The following ZC3H8 variants were observed in gnomAD, a reference collection of about 807,000 sequenced individuals.
The protein encoded by ZC3H8 is zinc finger CCCH domain-containing protein 8.
Under a neutral mutation model 42.5 loss-of-function variants are expected in ZC3H8, and 27 were observed. The ratio of observed to expected loss-of-function variants is 0.64; its 90% confidence interval spans 0.47 to 0.88. The LOEUF (loss-of-function observed/expected upper bound fraction) is 0.88, where lower values mean the gene tolerates loss of function less well. ZC3H8 is among the 40% of genes least tolerant of loss of function. The probability of loss-of-function intolerance (pLI) is 0.00; values close to 1 mark genes in which losing one functional copy is unlikely to be tolerated. For synonymous variants in ZC3H8, 101 were observed against 110.1 expected, an observed-to-expected ratio of 0.92 and a Z score of 0.52; for missense variants, 277 against 336.1, an observed-to-expected ratio of 0.82 and a Z score of 1.37.
chr2:112,237,173 A>G (rs1193956226), intron 3 of ZC3H8, among the ~76,000 whole-genome samples: 1 of 152,246 alleles, frequency 6.6e-6, no homozygotes, highest in African/African-American at 2.4e-5. Context: ...CTCTGGGACT[A>G]AGGGACCAAA....
rs1334352860 is a variant in ZC3H8 at position 112,214,614 on chromosome 2, GGACGAATGGCTCTTGA to G, written c.*1854_*1869del. 5 of 152,120 alleles carry G rather than the reference GGACGAATGGCTCTTGA, an allele frequency of 3.3e-5. No homozygotes were observed. The highest frequency in any genetic ancestry group is 4.8e-5 in the African/African-American group (2 of 41,402). The allele number at this position is 152,120 out of a possible 1,614,324, so 9.4% of individuals were successfully genotyped here. On this transcript the variant is annotated 3_prime_UTR_variant, in exon 9 of 9. Transcript: ENST00000409573. The stretch of plus-strand genomic sequence containing the variant: ...CAATGGCTAGGTGATAGAGTACTTT[GGACGAATGGCTCTTGA>G]GACGAATGGCTCTTGGTTCAGGGAA...
chr2:112,234,637 C>T (rs1685237834), intron 4 of ZC3H8, among the ~76,000 whole-genome samples: 1 of 152,000 alleles, frequency 6.6e-6, no homozygotes, highest in South Asian at 2.1e-4. Flanking sequence ...CTCATCTCTA[C>T]TAAAATACAA....
chr2:112,237,782 G>A (rs6747097), intron 3 of ZC3H8, among the ~76,000 whole-genome samples: 2,495 of 152,126 alleles, frequency 0.016, 70 homozygotes, highest in African/African-American at 0.056. Context: ...GGCCAGGCTG[G>A]TCTCGAACTC....
chr2:112,221,858 G>A (rs1477524861), intron 8 of ZC3H8, among the ~76,000 whole-genome samples: 2 of 151,982 alleles, frequency 1.3e-5, no homozygotes, highest in African/African-American at 2.4e-5. Flanking sequence ...AATTCTATTT[G>A]TAACATTTCA....
chr2:112,229,942 CA>C (rs1304413377), intron 8 of ZC3H8, among the ~76,000 whole-genome samples: 31 of 116,748 alleles, frequency 2.7e-4, no homozygotes, highest in Admixed American at 4.4e-4. Context: ...TGAGATGCCG[CA>C]AAAAAAAAAA....
At chr2:112,217,449 T>C (rs549629833) in intron 8 of ZC3H8, among the ~76,000 whole-genome samples, 1 of 152,346 alleles carries the variant, frequency 6.6e-6, no homozygotes, top group South Asian at 2.1e-4. Context: ...GTATAAAATG[T>C]GAAACCACAT....
chr2:112,242,736 A>T (rs1449017319), intron 2 of ZC3H8, among the ~76,000 whole-genome samples: 2 of 152,204 alleles, frequency 1.3e-5, no homozygotes, highest in African/African-American at 4.8e-5. Context: ...AATATTCCCA[A>T]CTCACAAGAG....
chr2:112,214,979 C>T lies in ZC3H8; in HGVS notation c.*1505G>A, dbSNP rs183357497. 6.6e-5 allele frequency: 10 copies of T among 152,166 alleles called. No homozygotes were observed. Among genetic ancestry groups the T allele is most frequent in the South Asian group, 4.1e-4 (2 of 4,828 alleles). 9.4% of individuals were successfully genotyped at this position (152,166 alleles called of 1,614,324 possible). A position where few individuals can be genotyped will look rare whatever the true frequency, so the allele number is the denominator to read the frequency against. On this transcript the variant is annotated 3_prime_UTR_variant, in exon 9 of 9. Coordinates refer to ENST00000409573, the MANE Select transcript of ZC3H8 (RefSeq NM_032494.3). ...GACTTCTGAGTCCCTCAAATCTCTGCGGTGTCTTTTAAGTTTACAAGTGAG... is the reference window on the plus strand; with the variant it reads ...GACTTCTGAGTCCCTCAAATCTCTGTGGTGTCTTTTAAGTTTACAAGTGAG...
rs188132443 is a variant in ZC3H8 at position 112,215,773 on chromosome 2, A to G, written c.*711T>C. 1 of 152,338 alleles carries G rather than the reference A, an allele frequency of 6.6e-6. No homozygotes were observed. Among genetic ancestry groups the G allele is most frequent in the African/African-American group, 2.4e-5 (1 of 41,582 alleles). 9.4% of individuals were successfully genotyped at this position (152,338 alleles called of 1,614,324 possible). ...CACACTCCTAAAGTTTGTAACTCAC[A>G]CAAGTGTATAATCTGACTACAGTTT... On this transcript the variant is annotated 3_prime_UTR_variant, in exon 9 of 9. Transcript: ENST00000409573.
At chr2:112,223,110 G>C (rs540874502) in intron 8 of ZC3H8, among the ~76,000 whole-genome samples, 9 of 152,036 alleles carry the variant, frequency 5.9e-5, no homozygotes, top group Non-Finnish European at 2.9e-5. Context: ...GGCCTGTCGT[G>C]GGGTGGGGGA....
intron 4 of ZC3H8, among the ~76,000 whole-genome samples, chr2:112,235,069 T>G (rs531675875): frequency 1.4e-4 from 21 of 152,054 alleles, no homozygotes; most frequent in African/African-American, 4.1e-4. Context: ...AGGAAGAAAA[T>G]CTTATAATAC....
chr2:112,230,281 GTATAACTACTTGAGAAAAAAACTGA>G (rs1685033656), intron 8 of ZC3H8, among the ~76,000 whole-genome samples: 1 of 152,096 alleles, frequency 6.6e-6, no homozygotes, highest in Non-Finnish European at 1.5e-5. Context: ...GTATAAACTG[GTATAACTACTTGAGAAAAAAACTGA>G]TATTATATTA....
At chr2:112,233,876 AT>A (rs1436898418) in intron 5 of ZC3H8, among the ~76,000 whole-genome samples, 1 of 152,158 alleles carries the variant, frequency 6.6e-6, no homozygotes, top group Non-Finnish European at 1.5e-5. Context: ...CTCAAAAAAA[AT>A]AAATAAATAC....
At position 112,253,360 on chromosome 2, in the gene ZC3H8, TA is replaced by T. The variant is rs1347947705; in HGVS notation, c.74+1547del. Among the ~76,000 whole-genome samples the T allele has an allele frequency of 2.0e-5, 3 of 152,168 alleles. 1 individual carries two copies. In the East Asian group the frequency reaches 5.8e-4, roughly 29 times the overall value. On this transcript the variant is annotated intron_variant, in intron 1 of 8. Transcript: ENST00000409573. ...CCCCAAGGCCGTAGCAGGTGCTCAA[TA>T]CGATTTTTTGAATGAATGAGAAGTA...
chr2:112,252,532 A>G (rs1021245801), intron 1 of ZC3H8, among the ~76,000 whole-genome samples: 1 of 152,138 alleles, frequency 6.6e-6, no homozygotes, highest in African/African-American at 2.4e-5. Flanking sequence ...AAACCCTCCA[A>G]TGGTCTCTTG....
chr2:112,250,868 A>C (rs2104671563), intron 1 of ZC3H8, among the ~76,000 whole-genome samples: 1 of 152,324 alleles, frequency 6.6e-6, no homozygotes, highest in South Asian at 2.1e-4. Flanking sequence ...AGCGAGACAA[A>C]CACATTTAAG....
chr2:112,237,002 A>C (rs560361973), intron 3 of ZC3H8, among the ~76,000 whole-genome samples: 6 of 152,242 alleles, frequency 3.9e-5, no homozygotes. Context: ...TCAAGGTTAC[A>C]GTGAGCTATG....
At chr2:112,221,803 A>ACTAT (rs1354945631) in intron 8 of ZC3H8, among the ~76,000 whole-genome samples, 1 of 152,082 alleles carries the variant, frequency 6.6e-6, no homozygotes, top group African/African-American at 2.4e-5. Flanking sequence ...GATTGGGTTG[A>ACTAT]CTATCTCCTG....
At chr2:112,251,621 AAC>A in intron 1 of ZC3H8, among the ~76,000 whole-genome samples, 2 of 152,232 alleles carry the variant, frequency 1.3e-5, no homozygotes, top group Non-Finnish European at 2.9e-5. Flanking sequence ...TACCACAAAC[AAC>A]AGTGTTATGA....
Sources: allele counts gnomAD v4.1 joint callset (sites outside exome capture counted in the v4.1 genomes callset), GRCh38; gene constraint gnomAD v4.1.1; transcripts MANE v1.5; gene names NCBI Gene and HGNC (gene_info 2026-07-23, HGNC 2026-07-21).